PLEKHA7: variants seen among roughly 807,000 people sequenced by gnomAD.
The protein encoded by PLEKHA7 is pleckstrin homology domain containing A7, also known as pleckstrin homology domain-containing family A member 7.
A neutral mutation model predicts 170.0 loss-of-function variants in PLEKHA7; 104 were observed. That is an observed-to-expected ratio of 0.61 (90% CI 0.52 to 0.72). PLEKHA7 has a LOEUF of 0.72. Ranked by LOEUF, PLEKHA7 falls within the 30% of genes least tolerant of loss-of-function variation. The pLI is 0.00. For missense variants in PLEKHA7, 1,615 were observed against 1,671.7 expected (o/e 0.97, Z 0.59); for synonymous variants, 648 against 660.8 (o/e 0.98, Z 0.30).
chr11:16,794,302 G>A (rs1848060396), intron 19 of PLEKHA7, among the ~76,000 whole-genome samples, 186 bp downstream of exon 19: 1 of 152,026 alleles, frequency 6.6e-6, no homozygotes, highest in South Asian at 2.1e-4. Context: ...GGCTCTTCCA[G>A]TTCTGACAGT....
At chr11:16,987,069 G>A (rs771555215) in intron 3 of PLEKHA7, among the ~76,000 whole-genome samples, 4 of 152,162 alleles carry the variant, frequency 2.6e-5, no homozygotes, top group Non-Finnish European at 5.9e-5. Flanking sequence ...TGCCCCAAAT[G>A]GGAAATTTGC....
At chr11:16,949,915 G>A (rs193249756) in intron 3 of PLEKHA7, among the ~76,000 whole-genome samples, 228 of 152,124 alleles carry the variant, frequency 1.5e-3, no homozygotes, top group Non-Finnish European at 5.7e-4. Context: ...TCTGAGAATG[G>A]GAAACTGGTC....
rs759961044 is a variant in PLEKHA7 at position 16,817,340 on chromosome 11, G to A, written c.1344-18C>T. 6 of 1,587,088 alleles carry A rather than the reference G, an allele frequency of 3.8e-6. No individual in the cohort carries two copies. The African/African-American group carries it at 6.7e-5, about 18-fold the overall frequency. On this transcript the variant is annotated intron_variant, in intron 10 of 26. Transcript: ENST00000531066. This position sits in a 1 kb window ranked among gnomAD's most constrained non-coding sequence, Gnocchi z 4.4. ...AGGGAAGACTGAGGAGAAAGGGTAAGAACGGGTCAGGCAACCAAGCGAGGG... is the reference window on the plus strand; with the variant it reads ...AGGGAAGACTGAGGAGAAAGGGTAAAAACGGGTCAGGCAACCAAGCGAGGG...
chr11:16,929,801 G>C (rs192501441), intron 3 of PLEKHA7, among the ~76,000 whole-genome samples: 1 of 151,924 alleles, frequency 6.6e-6, no homozygotes, highest in Admixed American at 6.6e-5. Flanking sequence ...TCAAGAGATC[G>C]AGACCATCCT....
intron 3 of PLEKHA7, chr11:16,975,115 T>G (rs865952279): frequency 1.6e-5 from 8 of 500,774 alleles, no homozygotes; most frequent in Middle Eastern, 1.6e-3. Context: ...TACATTCATG[T>G]GTGCCCCACC....
rs1565185984 is a variant in PLEKHA7, at chr11:16,990,286, A to AAAAAAAAAAC, written c.221+23702_221+23703insGTTTTTTTTT. ...AAGACCCTGTCTCAAAAAAAAAAAAAAAAAAAAAAAAAACTTCTCCCTGTT... is the reference window on the plus strand; with the variant it reads ...AAGACCCTGTCTCAAAAAAAAAAAAAAAAAAAAAACAAAAAAAAAAAAACTTCTCCCTGTT... On this transcript the variant is annotated intron_variant, in intron 3 of 26. Transcript: ENST00000531066. Among the ~76,000 whole-genome samples, 102 of 108,258 alleles carry AAAAAAAAAAC rather than the reference A, an allele frequency of 9.4e-4. 3 individuals carry two copies. Among genetic ancestry groups the AAAAAAAAAAC allele is most frequent in the African/African-American group, 3.7e-3 (98 of 26,634 alleles). The allele number at this position is 108,258 out of a possible 152,430, so 71.0% of individuals were successfully genotyped here.
chr11:16,984,622 C>T (rs963711655), intron 3 of PLEKHA7, among the ~76,000 whole-genome samples: 13 of 152,190 alleles, frequency 8.5e-5, no homozygotes, highest in Non-Finnish European at 1.5e-5. Flanking sequence ...CACACCCAGG[C>T]CTCCTGTCTC....
At chr11:16,846,961 A>G (rs982333552) in intron 8 of PLEKHA7, among the ~76,000 whole-genome samples, 5 of 152,062 alleles carry the variant, frequency 3.3e-5, no homozygotes, top group Non-Finnish European at 5.9e-5. Context: ...AGTAGAGAAG[A>G]AGGGTACTTA....
intron 24 of PLEKHA7, 118 bp from the exon 25 acceptor site, chr11:16,783,951 G>A (rs1418100484): frequency 9.2e-7 from 1 of 1,091,934 alleles, no homozygotes. Flanking sequence ...CAGAGACTAA[G>A]TAACTTGCTA....
chr11:16,982,901 C>T (rs1009461127), intron 3 of PLEKHA7, among the ~76,000 whole-genome samples: 16 of 152,150 alleles, frequency 1.1e-4, no homozygotes, highest in Non-Finnish European at 1.9e-4. Flanking sequence ...CTGGACTCCA[C>T]ACACTATTTC....
Position 16,969,926 on chromosome 11 carries a change from A to C in PLEKHA7, c.221+44063T>G, listed in dbSNP as rs76007559. ...AGAGCTTACTAGTACATACACTATTAAGAGGATTACAGCTAAAGGGGAATA... is the reference window on the plus strand; with the variant it reads ...AGAGCTTACTAGTACATACACTATTCAGAGGATTACAGCTAAAGGGGAATA... On this transcript the variant is annotated intron_variant, in intron 3 of 26. Transcript: ENST00000531066. 7.4e-3 allele frequency among the ~76,000 whole-genome samples: 1,127 copies of C among 152,302 alleles called. 6 individuals are homozygous for C. The highest frequency in any genetic ancestry group is 0.025 in the African/African-American group (1,048 of 41,540).
chr11:17,006,106 C>T (rs10741721), intron 3 of PLEKHA7, among the ~76,000 whole-genome samples: 96,546 of 151,928 alleles, frequency 0.64, 31,308 homozygotes, highest in East Asian at 0.96. Context: ...CATGGTGGCT[C>T]ATGCCTGTAA....
intron 3 of PLEKHA7, among the ~76,000 whole-genome samples, chr11:17,008,192 C>G (rs2137109564): frequency 6.6e-6 from 1 of 152,244 alleles, no homozygotes; most frequent in Admixed American, 6.5e-5. Context: ...CACACAACCC[C>G]AAAGCTAAAA....
intron 3 of PLEKHA7, among the ~76,000 whole-genome samples, chr11:17,008,361 T>C (rs913283225): frequency 1.3e-5 from 2 of 152,096 alleles, no homozygotes; most frequent in Admixed American, 6.5e-5. Flanking sequence ...TGCAGAGCAA[T>C]AAGGATATGA....
chr11:16,860,361 G>C (rs941917991), intron 4 of PLEKHA7, among the ~76,000 whole-genome samples: 1 of 152,112 alleles, frequency 6.6e-6, no homozygotes, highest in Non-Finnish European at 1.5e-5. Flanking sequence ...AGGTGGGTTT[G>C]GTCAATGAGA....
chr11:16,790,737 T>C, intron 21 of PLEKHA7, 61 bp downstream of exon 21: 1 of 1,517,498 alleles, frequency 6.6e-7, no homozygotes, highest in Non-Finnish European at 9.1e-7. Flanking sequence ...AGGCACCAGC[T>C]GAAGGCTGGA....
intron 3 of PLEKHA7, among the ~76,000 whole-genome samples, chr11:16,893,852 GA>G (rs1389103014): frequency 2.6e-5 from 4 of 152,188 alleles, no homozygotes; most frequent in African/African-American, 9.6e-5. Context: ...TCTTTGTTTG[GA>G]AAAGATTAAG....
At position 16,791,846 on chromosome 11, in the gene PLEKHA7, T is replaced by G; in HGVS notation, c.2746-647A>C. 1 of 374,046 alleles carries G rather than the reference T, an allele frequency of 2.7e-6. No homozygotes were observed. 23.2% of individuals were successfully genotyped at this position (374,046 alleles called of 1,614,324 possible). ...GAATGTGATGAATGCAACATTTTCC[T>G]TGAAACTCCCTGTCCACAGTGTTCT... On this transcript the variant is annotated intron_variant, in intron 19 of 26. Coordinates refer to ENST00000531066, the MANE Select transcript of PLEKHA7 (RefSeq NM_001329630.2). The surrounding 1 kb of genome is among the most constrained non-coding windows in gnomAD (Gnocchi z 4.5).
chr11:16,918,503 T>C (rs1176858530), intron 3 of PLEKHA7, among the ~76,000 whole-genome samples: 1 of 152,194 alleles, frequency 6.6e-6, no homozygotes, highest in African/African-American at 2.4e-5. Context: ...GTTAATCAAC[T>C]TCTCTGAGCT....
Sources: gnomAD v4.1 joint callset for allele counts (sites outside exome capture counted in the v4.1 genomes callset) on GRCh38, gnomAD v4.1.1 for gene constraint, Gnocchi (gnomAD v3.1) non-coding constraint, MANE v1.5 for transcripts, NCBI Gene and HGNC (gene_info 2026-07-23, HGNC 2026-07-21) for gene names.